SYT14: variants seen among roughly 807,000 people sequenced by gnomAD.
SYT14 encodes synaptotagmin-14.
A neutral mutation model predicts 74.2 loss-of-function variants in SYT14; 32 were observed. That is an observed-to-expected ratio of 0.43 (90% confidence interval 0.33 to 0.58). The LOEUF is 0.58. SYT14 is among the 20% of genes least tolerant of loss of function. The pLI is 0.05. For missense variants in SYT14, 791 were observed against 981.8 expected (o/e 0.81, Z 2.60); for synonymous variants, 298 against 337.7 (o/e 0.88, Z 1.29).
intron 2 of SYT14, among the ~76,000 whole-genome samples, chr1:209,970,656 G>A (rs2079235199): frequency 8.9e-6 from 1 of 112,464 alleles, no homozygotes; most frequent in African/African-American, 3.2e-5. Flanking sequence ...GCTTTGGGCA[G>A]TATGGCTTTT....
At chr1:210,100,599 C>T in intron 7 of SYT14, 138 bp downstream of exon 6, 2 of 850,182 alleles carry the variant, frequency 2.4e-6, no homozygotes, top group Non-Finnish European at 1.9e-6. Flanking sequence ...ACAAAAATAT[C>T]TAAGCCCTGG....
At chr1:210,016,390 A>G in exon 4 of SYT14, 1 of 1,232,068 alleles carries the variant, frequency 8.1e-7, no homozygotes, top group Non-Finnish European at 1.0e-6. Flanking sequence ...AACAAACTCT[A>G]TCAGAATATC....
At chr1:210,015,485 A>T (rs2080164045) in intron 3 of SYT14, among the ~76,000 whole-genome samples, 3 of 152,198 alleles carry the variant, frequency 2.0e-5, no homozygotes, top group Admixed American at 2.0e-4. Flanking sequence ...TATAGTAGCC[A>T]CTCAGCAGGT....
At chr1:209,960,204 A>G (rs2079057063) in intron 2 of SYT14, among the ~76,000 whole-genome samples, 1 of 152,152 alleles carries the variant, frequency 6.6e-6, no homozygotes, top group Non-Finnish European at 1.5e-5. Flanking sequence ...GTATTTTTAT[A>G]TACTAAATCT....
intron 5 of SYT14, among the ~76,000 whole-genome samples, chr1:210,072,265 T>C (rs2081409814): frequency 6.6e-6 from 1 of 151,878 alleles, no homozygotes; most frequent in Admixed American, 6.6e-5. Flanking sequence ...AGAGCAGTTA[T>C]GGGAGAATAC....
rs145453113 is a variant in SYT14, at chr1:209,997,518, T to C, written c.-485-16115T>C. Among the ~76,000 whole-genome samples the C allele has an allele frequency of 1.6e-4, 24 of 152,212 alleles. 2 individuals carry two copies. In the East Asian group the frequency reaches 3.1e-3, roughly 20 times the overall value. On this transcript the variant is annotated intron_variant, in intron 2 of 9. Transcript: ENST00000637265. ...TATTCTCATGAATTGGAAGAATTAA[T>C]ATCGTTAAAATGGCCACACTGCCCA...
At chr1:210,092,178 T>TA (rs1212251710) in intron 5 of SYT14, among the ~76,000 whole-genome samples, 1 of 152,222 alleles carries the variant, frequency 6.6e-6, no homozygotes, top group Non-Finnish European at 1.5e-5. Context: ...TCTTTTTCTT[T>TA]AACAAATAGG....
At chr1:210,121,630 TA>T (rs1183807355) in intron 7 of SYT14, among the ~76,000 whole-genome samples, 3 of 151,770 alleles carry the variant, frequency 2.0e-5, no homozygotes, top group African/African-American at 7.3e-5. Context: ...CTGTCTCTAC[TA>T]AAAATACAAA....
chr1:210,055,536 G>A (rs1488086837), intron 5 of SYT14, among the ~76,000 whole-genome samples: 1 of 151,926 alleles, frequency 6.6e-6, no homozygotes, highest in Non-Finnish European at 1.5e-5. Flanking sequence ...AGAATTGTTG[G>A]CCAGACACGG....
At chr1:209,968,474 A>T (rs557342991) in intron 2 of SYT14, among the ~76,000 whole-genome samples, 48 of 151,520 alleles carry the variant, frequency 3.2e-4, no homozygotes, top group African/African-American at 1.1e-3. Flanking sequence ...GAGTAGTTTC[A>T]TATGGAGTAG....
intron 7 of SYT14, among the ~76,000 whole-genome samples, chr1:210,145,426 G>A (rs1049870241): frequency 6.6e-5 from 10 of 152,174 alleles, no homozygotes; most frequent in South Asian, 2.1e-4. Context: ...TCTTACCACC[G>A]CATTTCATGT....
intron 7 of SYT14, among the ~76,000 whole-genome samples, chr1:210,134,334 T>A (rs1249277296): frequency 6.6e-6 from 1 of 152,056 alleles, no homozygotes; most frequent in Non-Finnish European, 1.5e-5. Flanking sequence ...CTTGAACTCC[T>A]GGGCTCAAGC....
chr1:210,109,969 G>T (rs2082231632), intron 7 of SYT14, among the ~76,000 whole-genome samples: 2 of 152,144 alleles, frequency 1.3e-5, no homozygotes, highest in African/African-American at 4.8e-5. Context: ...CCTTTGCAGG[G>T]ACATGGATGA....
intron 7 of SYT14, among the ~76,000 whole-genome samples, chr1:210,111,149 T>C (rs2082254672): frequency 6.6e-6 from 1 of 152,302 alleles, no homozygotes; most frequent in African/African-American, 2.4e-5. Context: ...TAAAGCTTTT[T>C]AATCACCTGG....
chr1:210,063,728 C>T (rs918488457), intron 5 of SYT14, among the ~76,000 whole-genome samples: 5 of 151,756 alleles, frequency 3.3e-5, no homozygotes, highest in African/African-American at 1.2e-4. Flanking sequence ...TTCATTTGGC[C>T]ACAGCTGGAA....
chr1:210,151,505 C>CCCT lies in SYT14; in HGVS notation c.2035-4214_2035-4213insTCC, dbSNP rs1553289503. 1.6e-4 allele frequency among the ~76,000 whole-genome samples: 2 copies of CCCT among 12,492 alleles called. 1 individual carries two copies. The highest frequency in any genetic ancestry group is 6.5e-4 in the Non-Finnish European group (2 of 3,090). 8.2% of individuals were successfully genotyped at this position (12,492 alleles called of 152,430 possible). On this transcript the variant is annotated intron_variant, in intron 7 of 9. Coordinates refer to ENST00000637265, the Ensembl canonical transcript of SYT14. ...AAGTAGCTGAAATTATAGGCGAATG[C>CCCT]CCCCCCCCTTTTTTTTTTTTTTAAC... is the stretch of plus-strand genomic sequence containing the variant.
chr1:210,039,038 C>G (rs1315260277), intron 5 of SYT14, among the ~76,000 whole-genome samples: 1 of 152,070 alleles, frequency 6.6e-6, no homozygotes, highest in Non-Finnish European at 1.5e-5. Flanking sequence ...TCAGGAATAC[C>G]TATGACTCCT....
intron 4 of SYT14, among the ~76,000 whole-genome samples, chr1:210,019,233 G>A (rs1349352022): frequency 2.7e-5 from 4 of 150,506 alleles, no homozygotes; most frequent in Non-Finnish European, 1.5e-5. Flanking sequence ...TTTGACCACA[G>A]ACTAGTTACC....
At chr1:209,943,735 T>G (rs1307443867) in intron 1 of SYT14, among the ~76,000 whole-genome samples, 1 of 152,154 alleles carries the variant, frequency 6.6e-6, no homozygotes, top group Non-Finnish European at 1.5e-5. Context: ...GACTTTATTC[T>G]TTTATTCTTT....
Sources: allele counts gnomAD v4.1 joint callset (sites outside exome capture counted in the v4.1 genomes callset), GRCh38; gene constraint gnomAD v4.1.1; transcripts MANE v1.5; gene names NCBI Gene and HGNC (gene_info 2026-07-23, HGNC 2026-07-21).